The following PRPF6 variants were observed in gnomAD, a reference collection of about 807,000 sequenced individuals.
The protein encoded by PRPF6 is pre-mRNA-processing factor 6.
A neutral mutation model predicts 118.3 loss-of-function variants in PRPF6; 42 were observed. The observed-to-expected ratio is 0.35, with a 90% confidence interval of 0.28 to 0.46. The LOEUF is 0.46. Among genes scored for constraint, PRPF6 ranks in the 20% least tolerant of loss-of-function variants. The pLI, the probability that PRPF6 is intolerant of heterozygous loss-of-function variation, is 1.00. For missense variants in PRPF6, 662 were observed against 1,255.7 expected, an observed-to-expected ratio of 0.53 and a Z score of 7.15; for synonymous variants, 481 against 485.1, an observed-to-expected ratio of 0.99 and a Z score of 0.11.
chr20:64,002,013 G>T (rs1377328351), intron 9 of PRPF6, among the ~76,000 whole-genome samples: 7 of 65,244 alleles, frequency 1.1e-4, no homozygotes, highest in Admixed American at 2.1e-4. Flanking sequence ...TTTTTTTTCT[G>T]GTTTTTTTTT....
chr20:64,001,668 A>G (rs539688375), intron 9 of PRPF6, among the ~76,000 whole-genome samples: 2 of 152,358 alleles, frequency 1.3e-5, no homozygotes, highest in East Asian at 1.9e-4. Flanking sequence ...AGAAGGCACC[A>G]GAGCCACACG....
At chr20:63,992,945 C>T (rs190850126) in intron 3 of PRPF6, among the ~76,000 whole-genome samples, 345 of 151,848 alleles carry the variant, frequency 2.3e-3, no homozygotes, top group Middle Eastern at 0.01. Flanking sequence ...GGGCTGGGTG[C>T]GGTGGCTCAC....
In PRPF6 at chr20:64,029,734, G is replaced by A. The variant is rs1412649310; in HGVS notation, c.2546+243G>A. ...TGTGATTCACACTGGTGCGCTGGCC[G>A]CCGGGTCACAGACTCACTGGGGACG... is the stretch of plus-strand genomic sequence containing the variant. On this transcript the variant is annotated intron_variant, in intron 19 of 20. Coordinates refer to ENST00000266079, the MANE Select transcript of PRPF6 (RefSeq NM_012469.4). The surrounding 1 kb of genome is among the most constrained non-coding windows in gnomAD (Gnocchi z 4.8). Among the ~76,000 whole-genome samples the A allele has an allele frequency of 8.9e-6, 1 of 112,864 alleles. No homozygotes were observed. Among genetic ancestry groups the A allele is most frequent in the Non-Finnish European group, 2.0e-5 (1 of 49,418 alleles). The allele number at this position is 112,864 out of a possible 152,430, so 74.0% of individuals were successfully genotyped here.
At chr20:64,016,588 G>T in intron 11 of PRPF6, 135 bp from the exon 12 acceptor site, 1 of 1,173,982 alleles carries the variant, frequency 8.5e-7, no homozygotes. Flanking sequence ...CACTTCCTCA[G>T]ATCCCCAGTA....
At chr20:64,007,839 A>C (rs2059197662) in intron 9 of PRPF6, among the ~76,000 whole-genome samples, 1 of 151,972 alleles carries the variant, frequency 6.6e-6, no homozygotes, top group Non-Finnish European at 1.5e-5. Context: ...GTGCAGTGTC[A>C]CAGTCTCAGC....
chr20:64,013,619 A>G (rs1472569904), intron 11 of PRPF6, among the ~76,000 whole-genome samples: 1 of 150,564 alleles, frequency 6.6e-6, no homozygotes, highest in Admixed American at 6.6e-5. Context: ...AATTTTTTTT[A>G]TTTTTATTTT....
intron 2 of PRPF6, 22 bp from the exon 3 acceptor site, chr20:63,984,885 A>C: frequency 4.6e-6 from 7 of 1,534,332 alleles, no homozygotes; most frequent in African/African-American, 1.4e-5. Flanking sequence ...GCTGACCTCT[A>C]CACGTGTTGT....
rs542441974 is a variant in PRPF6, at chr20:64,000,124, G to A, written c.1023+365G>A. ...CCGCCACCATGCCTGAATCCACCAC[G>A]CCTGAATCCACCACTGGTTTGACGG... On this transcript the variant is annotated intron_variant, in intron 8 of 20. Transcript: ENST00000266079. Among the ~76,000 whole-genome samples the A allele has an allele frequency of 1.9e-3, 284 of 152,034 alleles. 4 individuals are homozygous for A. Among genetic ancestry groups the A allele is most frequent in the Non-Finnish European group, 2.8e-3 (189 of 67,974 alleles).
rs909279127 is a variant in PRPF6 at position 64,029,879 on chromosome 20, C to G, written c.2546+388C>G. Among the ~76,000 whole-genome samples the G allele has an allele frequency of 6.6e-6, 1 of 151,788 alleles. No individual in the cohort carries two copies. The highest frequency in any genetic ancestry group is 1.9e-4 in the East Asian group (1 of 5,172). On this transcript the variant is annotated intron_variant, in intron 19 of 20. Coordinates refer to ENST00000266079, the MANE Select transcript of PRPF6 (RefSeq NM_012469.4). This position sits in a 1 kb window ranked among gnomAD's most constrained non-coding sequence, Gnocchi z 4.8. Reference sequence around the variant, plus strand: ...TCACTGGGGACGCATGTGATTCACACTGGTGCGCTGGCCGCCGGGTCAGAG... The same window carrying G: ...TCACTGGGGACGCATGTGATTCACAGTGGTGCGCTGGCCGCCGGGTCAGAG...
At chr20:64,008,583 G>A (rs1276212261) in intron 9 of PRPF6, among the ~76,000 whole-genome samples, 1 of 152,168 alleles carries the variant, frequency 6.6e-6, no homozygotes, top group Non-Finnish European at 1.5e-5. Context: ...GCCCGCATCT[G>A]TTCCTTCATT....
Position 64,029,535 on chromosome 20 carries a change from T to C in PRPF6, c.2546+44T>C. 6.6e-7 allele frequency: 1 copy of C among 1,510,510 alleles called. No individual in the cohort carries two copies. Among genetic ancestry groups the C allele is most frequent in the Non-Finnish European group, 9.2e-7 (1 of 1,086,784 alleles). 93.6% of individuals were successfully genotyped at this position (1,510,510 alleles called of 1,614,324 possible). On this transcript the variant is annotated intron_variant, in intron 19 of 20. Coordinates refer to ENST00000266079, the MANE Select transcript of PRPF6 (RefSeq NM_012469.4). This position sits in a 1 kb window ranked among gnomAD's most constrained non-coding sequence, Gnocchi z 4.8. ...GGATTGCTGAACCTCGGGGTCCTAA[T>C]GGGCTCTTTTTCCAGAGTCTGTCTG... is the stretch of plus-strand genomic sequence containing the variant.
At chr20:63,991,094 T>A (rs1432234078) in intron 3 of PRPF6, among the ~76,000 whole-genome samples, 1 of 152,100 alleles carries the variant, frequency 6.6e-6, no homozygotes, top group Non-Finnish European at 1.5e-5. Flanking sequence ...CCCTACATTT[T>A]AAAAATTGAT....
At chr20:64,031,704 AC>A (rs1029336782) in intron 19 of PRPF6, among the ~76,000 whole-genome samples, 2 of 151,634 alleles carry the variant, frequency 1.3e-5, no homozygotes, top group Non-Finnish European at 2.9e-5. Context: ...ACAAAAAAAA[AC>A]CAATTTGGTT....
In PRPF6 at chr20:64,001,122, A is replaced by G. The variant is rs1352231783; in HGVS notation, c.1069A>G (p.Thr357Ala). 5 of 1,614,072 alleles carry G rather than the reference A, an allele frequency of 3.1e-6. No individual in the cohort carries two copies. Among genetic ancestry groups the G allele is most frequent in the African/African-American group, 1.3e-5 (1 of 74,940 alleles). ...AGCAGCCAGGTTGCAGCCTGGGGAC[A>G]CAGCCAAGGCCGTGGTAGCCCAAGC... is the stretch of plus-strand genomic sequence containing the variant. The part of the protein sequence containing the change: ...LEAARLQPGD[T>A]AKAVVAQAVR... Residue 357 changes from threonine to alanine, a missense_variant, in exon 9 of 21, where the codon ACA (threonine) becomes GCA (alanine). Around this residue, in one of 10 missense-constraint regions of PRPF6, gnomAD observed 71 missense variants for 166.4 expected, o/e 0.43. Coordinates refer to ENST00000266079, the MANE Select transcript of PRPF6 (RefSeq NM_012469.4).
rs751003133 is a variant in PRPF6, at chr20:63,985,059, C to A, written c.359+34C>A. On this transcript the variant is annotated intron_variant, in intron 3 of 20. Transcript: ENST00000266079. ...AATTGTTGCCTTTCACAATATTTAT[C>A]CAAGTTTAAAAAAAAGTTTTGTGGC... 6 of 1,587,468 alleles carry A rather than the reference C, an allele frequency of 3.8e-6. No homozygotes were observed. The Admixed American group carries it at 1.0e-4, about 27-fold the overall frequency.
chr20:63,984,793 C>T (rs1052654339), intron 2 of PRPF6, 114 bp from the exon 3 acceptor site: 2 of 778,402 alleles, frequency 2.6e-6, no homozygotes, highest in Admixed American at 2.1e-5. Context: ...GATTTGGCTT[C>T]GTTGGCTGAA....
intron 10 of PRPF6, 40 bp downstream of exon 10, chr20:64,010,358 G>T: frequency 2.7e-6 from 4 of 1,506,716 alleles, no homozygotes; most frequent in Non-Finnish European, 2.8e-6. Context: ...GCCCAAAGTG[G>T]CCAAGGCCTG....
chr20:64,011,202 G>A lies in PRPF6; in HGVS notation c.1306-83G>A, dbSNP rs565827789. On this transcript the variant is annotated intron_variant, in intron 10 of 20. Transcript: ENST00000266079. The surrounding 1 kb of genome is among the most constrained non-coding windows in gnomAD (Gnocchi z 6.7). ...GCTAAGAAAGAACGTGGTGGCCAAC[G>A]CTGGAGGGTGGGTCGCTGTCTGGCC... 118 of 1,308,672 alleles carry A rather than the reference G, an allele frequency of 9.0e-5. No homozygotes were observed. Among genetic ancestry groups the A allele is most frequent in the African/African-American group, 7.0e-4 (48 of 68,792 alleles). 81.1% of individuals were successfully genotyped at this position (1,308,672 alleles called of 1,614,324 possible).
At chr20:64,004,749 G>A (rs74882209) in intron 9 of PRPF6, among the ~76,000 whole-genome samples, 1 of 152,202 alleles carries the variant, frequency 6.6e-6, no homozygotes, top group Admixed American at 6.5e-5. Flanking sequence ...CCTGGCCAGG[G>A]TGGGGTGTCC....
Sources: allele counts gnomAD v4.1 joint callset (sites outside exome capture counted in the v4.1 genomes callset), GRCh38; gene constraint gnomAD v4.1.1; regional missense constraint gnomAD v4.1.1; non-coding constraint Gnocchi (gnomAD v3.1); transcripts MANE v1.5; gene names NCBI Gene and HGNC (gene_info 2026-07-23, HGNC 2026-07-21).